The following ATG10 variants were observed in gnomAD, a reference collection of about 807,000 sequenced individuals.
ATG10 encodes ubiquitin-like-conjugating enzyme ATG10.
A neutral mutation model predicts 32.1 loss-of-function variants in ATG10; 30 were observed. The ratio of observed to expected loss-of-function variants is 0.94; its 90% CI spans 0.70 to 1.27. The LOEUF is 1.27. ATG10 is among the 50% of genes most tolerant of loss of function. The probability of loss-of-function intolerance (pLI) is 0.00; values close to 1 mark genes in which losing one functional copy is unlikely to be tolerated. For missense variants in ATG10, 233 were observed against 262.3 expected (o/e 0.89, Z 0.77); for synonymous variants, 87 against 91.5 (o/e 0.95, Z 0.28).
chr5:82,098,877 A>G (rs532112937), intron 3 of ATG10, among the ~76,000 whole-genome samples: 2 of 152,328 alleles, frequency 1.3e-5, no homozygotes, highest in East Asian at 1.9e-4. Flanking sequence ...CACCCACAAC[A>G]TTTAGACTTG....
chr5:82,029,435 G>C (rs750829803), intron 2 of ATG10, among the ~76,000 whole-genome samples: 29 of 152,142 alleles, frequency 1.9e-4, no homozygotes, highest in Non-Finnish European at 3.5e-4. Context: ...ATGGGAAAAG[G>C]GTTAGAAAAC....
At chr5:82,125,682 T>C (rs1462404057) in intron 3 of ATG10, among the ~76,000 whole-genome samples, 2 of 152,172 alleles carry the variant, frequency 1.3e-5, no homozygotes, top group African/African-American at 4.8e-5. Context: ...CGTAGCCTTG[T>C]AGTATAGTTT....
chr5:82,112,608 T>C (rs912170809), intron 3 of ATG10, among the ~76,000 whole-genome samples: 3 of 151,916 alleles, frequency 2.0e-5, no homozygotes, highest in Non-Finnish European at 2.9e-5. Flanking sequence ...TTGTTTATTA[T>C]ATGCATGATT....
chr5:82,009,896 G>A, intron 2 of ATG10: 1 of 1,610,406 alleles, frequency 6.2e-7, no homozygotes, highest in Non-Finnish European at 8.5e-7. Flanking sequence ...GGCGTGTGAA[G>A]TCACCACCCT....
intron 5 of ATG10, among the ~76,000 whole-genome samples, chr5:82,230,389 T>C (rs1746308125): frequency 6.6e-6 from 1 of 152,168 alleles, no homozygotes; most frequent in Admixed American, 6.5e-5. Flanking sequence ...ATTTTTATTA[T>C]AAGGAAATAA....
At chr5:82,101,310 A>G (rs930314320) in intron 3 of ATG10, among the ~76,000 whole-genome samples, 1 of 152,134 alleles carries the variant, frequency 6.6e-6, no homozygotes, top group African/African-American at 2.4e-5. Context: ...GACTCTTGCA[A>G]TCACATCCTT....
chr5:82,092,153 A>G (rs1392054003), intron 3 of ATG10, among the ~76,000 whole-genome samples: 1 of 152,190 alleles, frequency 6.6e-6, no homozygotes, highest in Non-Finnish European at 1.5e-5. Flanking sequence ...TATTCTCAAA[A>G]TTTAGTATAT....
chr5:82,223,995 C>A (rs867300313), intron 5 of ATG10, among the ~76,000 whole-genome samples: 1 of 152,148 alleles, frequency 6.6e-6, no homozygotes, highest in Admixed American at 6.5e-5. Flanking sequence ...GTGAAGCCAG[C>A]CTTCTAAAAG....
At chr5:82,137,500 G>A (rs1323491983) in intron 3 of ATG10, among the ~76,000 whole-genome samples, 1 of 152,188 alleles carries the variant, frequency 6.6e-6, no homozygotes, top group African/African-American at 2.4e-5. Context: ...GGAGTTTGCT[G>A]AGGGTCCACT....
intron 3 of ATG10, among the ~76,000 whole-genome samples, chr5:82,119,581 C>G (rs1765962206): frequency 6.6e-6 from 1 of 152,108 alleles, no homozygotes; most frequent in African/African-American, 2.4e-5. Flanking sequence ...CTGCCTCAGC[C>G]TCCTGAGCAG....
At chr5:82,039,081 A>T (rs961973920) in intron 2 of ATG10, among the ~76,000 whole-genome samples, 1 of 152,150 alleles carries the variant, frequency 6.6e-6, no homozygotes, top group African/African-American at 2.4e-5. Context: ...CCTGGCCTCA[A>T]GCAGTCCTCC....
chr5:82,149,264 C>G (rs927184260), intron 3 of ATG10, among the ~76,000 whole-genome samples: 6 of 151,802 alleles, frequency 4.0e-5, no homozygotes, highest in Non-Finnish European at 7.4e-5. Flanking sequence ...TTATCTAGTT[C>G]TACCCCAGTG....
intron 1 of ATG10, among the ~76,000 whole-genome samples, chr5:81,977,625 ACC>A (rs1162826585): frequency 2.0e-5 from 3 of 152,136 alleles, no homozygotes; most frequent in Admixed American, 2.0e-4. Flanking sequence ...TTCTTTTCAG[ACC>A]CTGTCTTTGC....
rs568050352 is a variant in ATG10 at position 81,976,005 on chromosome 5, C to CT, written c.-13+3712dup. On this transcript the variant is annotated intron_variant, in intron 1 of 7. Transcript: ENST00000282185. The stretch of plus-strand genomic sequence containing the variant: ...TTATTTATTTATTTATTTATTTTAT[C>CT]TTTTTTTTTTTTTGAGATGGAGTCT... Among the ~76,000 whole-genome samples, 1,395 of 142,944 alleles carry CT rather than the reference C, an allele frequency of 9.8e-3. 9 individuals are homozygous for CT. Among genetic ancestry groups the CT allele is most frequent in the Middle Eastern group, 0.021 (6 of 280 alleles). 93.8% of individuals were successfully genotyped at this position (142,944 alleles called of 152,430 possible). A position where few individuals can be genotyped will look rare whatever the true frequency, so the allele number is the denominator to read the frequency against.
intron 3 of ATG10, among the ~76,000 whole-genome samples, chr5:82,110,473 CTT>C (rs1375522305): frequency 6.6e-6 from 1 of 152,104 alleles, no homozygotes; most frequent in African/African-American, 2.4e-5. Context: ...TGTTTCCTGA[CTT>C]TTTAATGATC....
At chr5:82,213,678 A>G (rs554923355) in intron 5 of ATG10, among the ~76,000 whole-genome samples, 1 of 152,180 alleles carries the variant, frequency 6.6e-6, no homozygotes, top group African/African-American at 2.4e-5. Flanking sequence ...GCATATTCCT[A>G]CCAGTTCGAC....
At chr5:81,982,942 C>T (rs996915201) in intron 1 of ATG10, among the ~76,000 whole-genome samples, 1 of 152,334 alleles carries the variant, frequency 6.6e-6, no homozygotes, top group Admixed American at 6.5e-5. Flanking sequence ...AAAAGTCTCC[C>T]ATGTCTACCT....
At chr5:82,031,877 A>G (rs1397498842) in intron 2 of ATG10, among the ~76,000 whole-genome samples, 6 of 152,262 alleles carry the variant, frequency 3.9e-5, no homozygotes, top group African/African-American at 4.8e-5. Context: ...TGTGCTAACT[A>G]TTCTACCTGT....
At chr5:82,092,149 CAA>C (rs1422235488) in intron 3 of ATG10, among the ~76,000 whole-genome samples, 1 of 151,948 alleles carries the variant, frequency 6.6e-6, no homozygotes, top group Non-Finnish European at 1.5e-5. Context: ...AAAGTATTCT[CAA>C]AATTTAGTAT....
Sources: allele counts gnomAD v4.1 joint callset (sites outside exome capture counted in the v4.1 genomes callset), GRCh38; gene constraint gnomAD v4.1.1; transcripts MANE v1.5; gene names NCBI Gene and HGNC (gene_info 2026-07-23, HGNC 2026-07-21).